Variants in RCAN2 observed in about 807,000 individuals in gnomAD.
The protein encoded by RCAN2 is calcipressin-2.
RCAN2 carries 9 observed loss-of-function variants against 23.6 expected under a neutral mutation model. The observed-to-expected ratio is 0.38, with a 90% CI of 0.23 to 0.67. RCAN2 has a LOEUF of 0.67. RCAN2 is among the 30% of genes least tolerant of loss of function. The pLI is 0.51. For missense variants in RCAN2, 273 were observed against 302.3 expected (o/e 0.90, Z 0.72); for synonymous variants, 109 against 115.7 (o/e 0.94, Z 0.37).
chr6:46,238,945 G>T (rs555951290), intron 4 of RCAN2, among the ~76,000 whole-genome samples: 1 of 152,312 alleles, frequency 6.6e-6, no homozygotes, highest in East Asian at 1.9e-4. Context: ...TATGATACTG[G>T]ATATACAGTT....
intron 2 of RCAN2, chr6:46,325,372 A>G: frequency 1.2e-6 from 2 of 1,612,886 alleles, no homozygotes; most frequent in South Asian, 2.2e-5. Flanking sequence ...AACAATGAAA[A>G]ATAAGATTGC....
intron 2 of RCAN2, among the ~76,000 whole-genome samples, chr6:46,373,710 C>A (rs1765387229): frequency 6.6e-6 from 1 of 152,102 alleles, no homozygotes; most frequent in South Asian, 2.1e-4. Flanking sequence ...GAGATAGGTA[C>A]CTAGGGACAG....
At chr6:46,242,083 GAAT>G (rs955092702) in intron 4 of RCAN2, among the ~76,000 whole-genome samples, 1 of 152,156 alleles carries the variant, frequency 6.6e-6, no homozygotes, top group African/African-American at 2.4e-5. Context: ...GACACTTCTT[GAAT>G]ATAACGTGGC....
Position 46,278,530 on chromosome 6 carries a change from A to G in RCAN2, c.226-29634T>C, listed in dbSNP as rs767486130. Among the ~76,000 whole-genome samples, 50 of 152,340 alleles carry G rather than the reference A, an allele frequency of 3.3e-4. 1 individual carries two copies. The highest frequency in any genetic ancestry group is 3.4e-3 in the Middle Eastern group (1 of 294). ...TCTCTTCTATAACTGCTGTACAATTATCAAACCAGGAAGTTAACACTGATA... is the reference window on the plus strand; with the variant it reads ...TCTCTTCTATAACTGCTGTACAATTGTCAAACCAGGAAGTTAACACTGATA... On this transcript the variant is annotated intron_variant, in intron 2 of 4. Transcript: ENST00000371374.
intron 2 of RCAN2, among the ~76,000 whole-genome samples, chr6:46,332,556 A>G (rs1302297334): frequency 6.8e-6 from 1 of 147,560 alleles, no homozygotes; most frequent in African/African-American, 2.5e-5. Context: ...GAGAATATGC[A>G]GTGTTTGGTT....
chr6:46,453,999 T>A (rs1473124773), intron 2 of RCAN2, among the ~76,000 whole-genome samples: 4 of 152,210 alleles, frequency 2.6e-5, no homozygotes, highest in Non-Finnish European at 4.4e-5. Context: ...GCTGAATACA[T>A]CTTCCCAAAG....
chr6:46,312,395 G>A (rs1245809906), intron 2 of RCAN2, among the ~76,000 whole-genome samples: 1 of 152,138 alleles, frequency 6.6e-6, no homozygotes, highest in Non-Finnish European at 1.5e-5. Flanking sequence ...GAGTTTTTAG[G>A]AATTTGAGGA....
intron 2 of RCAN2, among the ~76,000 whole-genome samples, chr6:46,263,471 G>GTA (rs1359923806): frequency 1.4e-5 from 2 of 140,094 alleles, no homozygotes; most frequent in African/African-American, 5.8e-5. Flanking sequence ...GTGTGTGTGT[G>GTA]TGTATGTGTG....
At chr6:46,255,488 A>C (rs1192178801) in intron 2 of RCAN2, among the ~76,000 whole-genome samples, 1 of 152,196 alleles carries the variant, frequency 6.6e-6, no homozygotes, top group Admixed American at 6.5e-5. Context: ...GAAGACAAAA[A>C]AATTGTAAAC....
chr6:46,346,907 G>T (rs945042683), intron 2 of RCAN2, among the ~76,000 whole-genome samples: 1 of 151,198 alleles, frequency 6.6e-6, no homozygotes, highest in Non-Finnish European at 1.5e-5. Context: ...AGGGAATCTC[G>T]CTCTGTCACC....
At chr6:46,235,576 T>G (rs1766062371) in intron 4 of RCAN2, among the ~76,000 whole-genome samples, 1 of 152,214 alleles carries the variant, frequency 6.6e-6, no homozygotes, top group South Asian at 2.1e-4. Context: ...AGTAGAATTA[T>G]TTTCTCTGCC....
At chr6:46,445,021 C>T (rs969952479) in intron 2 of RCAN2, among the ~76,000 whole-genome samples, 15 of 152,094 alleles carry the variant, frequency 9.9e-5, no homozygotes, top group Admixed American at 7.9e-4. Context: ...TCCAGGCCTA[C>T]CACAGTGCCA....
intron 2 of RCAN2, among the ~76,000 whole-genome samples, chr6:46,455,960 T>C (rs1768014718): frequency 6.6e-6 from 1 of 151,972 alleles, no homozygotes; most frequent in African/African-American, 2.4e-5. Flanking sequence ...TAGTGGCTTT[T>C]ACAACTAAGA....
At chr6:46,239,134 G>C (rs1766208891) in intron 4 of RCAN2, among the ~76,000 whole-genome samples, 2 of 152,180 alleles carry the variant, frequency 1.3e-5, no homozygotes, top group South Asian at 4.1e-4. Flanking sequence ...CAAGAGAAAA[G>C]CCTCTCTTCA....
chr6:46,252,204 G>T (rs901289928), intron 2 of RCAN2, among the ~76,000 whole-genome samples: 2 of 152,154 alleles, frequency 1.3e-5, no homozygotes, highest in Non-Finnish European at 2.9e-5. Flanking sequence ...GAAGCCACCA[G>T]ATGTACACTG....
At chr6:46,427,984 T>C (rs1767081156) in intron 2 of RCAN2, among the ~76,000 whole-genome samples, 1 of 152,200 alleles carries the variant, frequency 6.6e-6, no homozygotes, top group Admixed American at 6.5e-5. Context: ...ACAATTCAGC[T>C]ACAGGATGAA....
Position 46,292,728 on chromosome 6 carries a change from A to AT in RCAN2, c.226-43833dup, listed in dbSNP as rs1028318151. Among the ~76,000 whole-genome samples, 11 of 151,896 alleles carry AT rather than the reference A, an allele frequency of 7.2e-5. No individual in the cohort carries two copies. In the South Asian group the frequency reaches 1.7e-3, roughly 23 times the overall value. Reference sequence around the variant, plus strand: ...GCCATTCTTTTATTTTTATTTATTTATTTTTTTATTATACTTTAAGTTCTG... The same window carrying AT: ...GCCATTCTTTTATTTTTATTTATTTATTTTTTTTATTATACTTTAAGTTCTG... On this transcript the variant is annotated intron_variant, in intron 2 of 4. Transcript: ENST00000371374.
intron 4 of RCAN2, among the ~76,000 whole-genome samples, chr6:46,229,117 TAG>T (rs1765783842): frequency 6.6e-6 from 1 of 152,356 alleles, no homozygotes; most frequent in South Asian, 2.1e-4. Flanking sequence ...TTCTGGCTTG[TAG>T]AGTTTCTGCT....
At chr6:46,229,429 TTTCACATAG>T (rs1340726958) in intron 4 of RCAN2, among the ~76,000 whole-genome samples, 1 of 152,214 alleles carries the variant, frequency 6.6e-6, no homozygotes, top group African/African-American at 2.4e-5. Context: ...GATTTGGTCT[TTTCACATAG>T]TCGCTTATTT....
Sources: allele counts gnomAD v4.1 joint callset (sites outside exome capture counted in the v4.1 genomes callset), GRCh38; gene constraint gnomAD v4.1.1; transcripts MANE v1.5; gene names NCBI Gene and HGNC (gene_info 2026-07-23, HGNC 2026-07-21).